PTPRN: variants seen among roughly 807,000 people sequenced by gnomAD.
PTPRN encodes the protein protein tyrosine phosphatase receptor type N.
In PTPRN, 70 loss-of-function variants were observed where a neutral mutation model predicts 108.5. That is an observed-to-expected ratio of 0.65 (90% CI 0.53 to 0.79). PTPRN has a LOEUF of 0.79. PTPRN is among the 30% of genes least tolerant of loss of function. PTPRN has a pLI of 0.00. For missense variants in PTPRN, 1,136 were observed against 1,295.5 expected (o/e 0.88, Z 1.89); for synonymous variants, 496 against 524.6 (o/e 0.95, Z 0.75).
Position 219,289,967 on chromosome 2 carries a change from A to C in PTPRN, c.*259T>G. 6 of 493,510 alleles carry C rather than the reference A, an allele frequency of 1.2e-5. No individual in the cohort carries two copies. The highest frequency in any genetic ancestry group is 1.9e-5 in the Non-Finnish European group (5 of 269,752). The allele number at this position is 493,510 out of a possible 1,614,324, so 30.6% of individuals were successfully genotyped here. A position where few individuals can be genotyped will look rare whatever the true frequency, so the allele number is the denominator to read the frequency against. On this transcript the variant is annotated 3_prime_UTR_variant, in exon 23 of 23. Transcript: ENST00000295718. ...ATGTAGGCAGGAGAAGGCTCTGGGT[A>C]GAATTGCTACCCATGTCCTTTCCTC...
In PTPRN at chr2:219,296,391, C is replaced by T; in HGVS notation, c.2389-46G>A. 6.2e-7 allele frequency: 1 copy of T among 1,614,074 alleles called. No homozygotes were observed. The highest frequency in any genetic ancestry group is 8.5e-7 in the Non-Finnish European group (1 of 1,179,930). On this transcript the variant is annotated intron_variant, in intron 17 of 22. Coordinates refer to ENST00000295718, the MANE Select transcript of PTPRN (RefSeq NM_002846.4). This position sits in a 1 kb window ranked among gnomAD's most constrained non-coding sequence, Gnocchi z 6.0. ...GAGCTCCACTCTAACCTCCCTGGGA[C>T]CTCGTGGCCACAAGGACCCCAGCGA...
At position 219,301,634 on chromosome 2, in the gene PTPRN, G is replaced by A; in HGVS notation, c.1080C>T (p.Leu360=). 1.9e-6 allele frequency: 3 copies of A among 1,613,562 alleles called. No individual in the cohort carries two copies. The highest frequency in any genetic ancestry group is 2.2e-5 in the East Asian group (1 of 44,864). The change falls in exon 7 of 23, where the codon CTC becomes CTT. Residue 360 remains leucine, a synonymous_variant. Transcript: ENST00000295718. ...RQLTPEQLST[L]LTLLQLLPKG... is the part of the protein sequence containing the mutation. ...TGGGCAGTAGCTGCAGCAGGGTCAG[G>A]AGTGTGGAGAGCTGCTCAGGGGTCA...
intron 1 of PTPRN, 91 bp from the exon 2 acceptor site, chr2:219,307,933 C>A: frequency 1.6e-6 from 2 of 1,271,650 alleles, no homozygotes; most frequent in Admixed American, 1.8e-5. Context: ...GAAGCAGATG[C>A]AATTTATTCT....
intron 4 of PTPRN, among the ~76,000 whole-genome samples, chr2:219,303,189 C>T (rs1952400600): frequency 6.6e-6 from 1 of 152,128 alleles, no homozygotes; most frequent in South Asian, 2.1e-4. Context: ...TCCCCGTTGC[C>T]CCTGTGTGCC....
chr2:219,290,979 GA>G lies in PTPRN; in HGVS notation c.2730-90del. 7.6e-7 allele frequency: 1 copy of G among 1,318,458 alleles called. No individual in the cohort carries two copies. Among genetic ancestry groups the G allele is most frequent in the South Asian group, 1.2e-5 (1 of 84,214 alleles). The allele number at this position is 1,318,458 out of a possible 1,614,324, so 81.7% of individuals were successfully genotyped here. Reference sequence around the variant, plus strand: ...GGCGAGGAGGCCTGGAGGCCTGGGGGAGGGGAGGACACTGGGTGACCCGTTG... The same window carrying G: ...GGCGAGGAGGCCTGGAGGCCTGGGGGGGGGAGGACACTGGGTGACCCGTTG... On this transcript the variant is annotated intron_variant, in intron 20 of 22. Transcript: ENST00000295718. The surrounding 1 kb of genome is among the most constrained non-coding windows in gnomAD (Gnocchi z 4.2).
chr2:219,298,581 G>T (rs1392486551), intron 12 of PTPRN, among the ~76,000 whole-genome samples: 1 of 152,146 alleles, frequency 6.6e-6, no homozygotes, highest in African/African-American at 2.4e-5. Context: ...GTGGTGGCAG[G>T]CACCTGTAAT....
Position 219,296,144 on chromosome 2 carries a change from ATT to A in PTPRN, c.2508+80_2508+81del. ...TTTTTAAAAAGACTGTTGAGTGCTC[ATT>A]TGGTGAAGAAAACGTTACGAAAAGG... On this transcript the variant is annotated intron_variant, in intron 18 of 22. Transcript: ENST00000295718. This position sits in a 1 kb window ranked among gnomAD's most constrained non-coding sequence, Gnocchi z 6.0. 6.3e-7 allele frequency: 1 copy of A among 1,588,160 alleles called. No homozygotes were observed. Among genetic ancestry groups the A allele is most frequent in the Non-Finnish European group, 8.6e-7 (1 of 1,159,138 alleles).
At position 219,296,070 on chromosome 2, in the gene PTPRN, TTA is replaced by T; in HGVS notation, c.2508+154_2508+155del. On this transcript the variant is annotated intron_variant, in intron 18 of 22. Coordinates refer to ENST00000295718, the MANE Select transcript of PTPRN (RefSeq NM_002846.4). The surrounding 1 kb of genome is among the most constrained non-coding windows in gnomAD (Gnocchi z 6.0). ...AATATATGGGTATGCATATATGTGTTTATATATATTCATATATGTATGAATCA... is the reference window on the plus strand; with the variant it reads ...AATATATGGGTATGCATATATGTGTTTATATATTCATATATGTATGAATCA... 1 of 1,034,830 alleles carries T rather than the reference TTA, an allele frequency of 9.7e-7. No homozygotes were observed. Among genetic ancestry groups the T allele is most frequent in the Admixed American group, 2.3e-5 (1 of 43,582 alleles). The allele number at this position is 1,034,830 out of a possible 1,614,324, so 64.1% of individuals were successfully genotyped here. A position where few individuals can be genotyped will look rare whatever the true frequency, so the allele number is the denominator to read the frequency against.
intron 4 of PTPRN, 140 bp from the exon 5 acceptor site, chr2:219,302,977 AAGAGAG>A: frequency 9.9e-7 from 1 of 1,014,872 alleles, no homozygotes; most frequent in Non-Finnish European, 1.4e-6. Flanking sequence ...ACCTCAGGGG[AAGAGAG>A]ATGGGCTGGG....
rs144044901 is a variant in PTPRN, at chr2:219,290,881, C to A, written c.2739G>T (p.Ala913=). ...TGAGGATGTAGGTGCCGGTCCTCCC[C>A]GCACCATCACTGAAACAGGAGTTAG... is the stretch of plus-strand genomic sequence containing the variant. ...CPIIVHCSDG[A]GRTGTYILID... is the part of the protein sequence containing the mutation. The change falls in exon 21 of 23, where the codon GCG becomes GCT. Residue 913 remains alanine (A), a synonymous_variant. Transcript: ENST00000295718. The surrounding 1 kb of genome is among the most constrained non-coding windows in gnomAD (Gnocchi z 4.2). The A allele has an allele frequency of 6.2e-7, 1 of 1,613,876 alleles. No homozygotes were observed. The highest frequency in any genetic ancestry group is 1.7e-5 in the Admixed American group (1 of 60,000).
At position 219,299,400 on chromosome 2, in the gene PTPRN, T is replaced by C. The variant is rs1450313206; in HGVS notation, c.1524-16A>G. On this transcript the variant is annotated splice_polypyrimidine_tract_variant and intron_variant, in intron 10 of 22. Transcript: ENST00000295718. ...TCCCACCACACTGCCAGATAGGAGC[T>C]ATGTTACTGCCTTCTCCACCCCAGA... 6.2e-6 allele frequency: 10 copies of C among 1,612,790 alleles called. No individual in the cohort carries two copies. The Admixed American group carries it at 6.7e-5, about 11-fold the overall frequency.
In PTPRN at chr2:219,302,501, A is replaced by T. The variant is rs1214857893; in HGVS notation, c.640-10T>A. 6.2e-7 allele frequency: 1 copy of T among 1,613,726 alleles called. No individual in the cohort carries two copies. Among genetic ancestry groups the T allele is most frequent in the South Asian group, 1.1e-5 (1 of 91,068 alleles). On this transcript the variant is annotated splice_polypyrimidine_tract_variant and intron_variant, in intron 5 of 22. Coordinates refer to ENST00000295718, the MANE Select transcript of PTPRN (RefSeq NM_002846.4). ...CATCACGGGAGCCAAACTGTGGAAA[A>T]CCAGAGATCTGGGTAAGAGCAGAAG...
chr2:219,296,973 G>C lies in PTPRN; in HGVS notation c.2236+12C>G. 1 of 1,613,586 alleles carries C rather than the reference G, an allele frequency of 6.2e-7. No individual in the cohort carries two copies. Among genetic ancestry groups the C allele is most frequent in the Non-Finnish European group, 8.5e-7 (1 of 1,179,822 alleles). On this transcript the variant is annotated intron_variant, in intron 15 of 22. Coordinates refer to ENST00000295718, the MANE Select transcript of PTPRN (RefSeq NM_002846.4). This position sits in a 1 kb window ranked among gnomAD's most constrained non-coding sequence, Gnocchi z 6.0. ...GAGGGCTGGGCCAGGTGGGCCAGCA[G>C]GGTTCACTCACAGGGCAGGAAGTCA...
At chr2:219,306,836 C>T (rs2125098613) in intron 3 of PTPRN, among the ~76,000 whole-genome samples, 1 of 152,346 alleles carries the variant, frequency 6.6e-6, no homozygotes, top group African/African-American at 2.4e-5. Context: ...ATTTCATAGT[C>T]TCAATAATGT....
In PTPRN at chr2:219,296,690, G is replaced by A. The variant is rs369657696; in HGVS notation, c.2310+59C>T. Reference sequence around the variant, plus strand: ...TGGCAGGTGACCACGGGGAAATGGAGTGCATAGGGCCAGGATAATGATGGG... The same window carrying A: ...TGGCAGGTGACCACGGGGAAATGGAATGCATAGGGCCAGGATAATGATGGG... On this transcript the variant is annotated intron_variant, in intron 16 of 22. Coordinates refer to ENST00000295718, the MANE Select transcript of PTPRN (RefSeq NM_002846.4). The surrounding 1 kb of genome is among the most constrained non-coding windows in gnomAD (Gnocchi z 6.0). 12 of 1,597,806 alleles carry A rather than the reference G, an allele frequency of 7.5e-6. No homozygotes were observed. The African/African-American group carries it at 1.5e-4, about 20-fold the overall frequency.
chr2:219,294,332 CAG>C (rs909619678), intron 19 of PTPRN: 30 of 373,920 alleles, frequency 8.0e-5, no homozygotes, highest in Middle Eastern at 8.9e-4. Flanking sequence ...TGGAGAAAAA[CAG>C]GGGAGAGGGC....
Position 219,298,000 on chromosome 2 carries a change from A to G in PTPRN, c.1772T>C (p.Leu591Pro), listed in dbSNP as rs1391667809. The G allele has an allele frequency of 1.2e-6, 2 of 1,613,884 alleles. No individual in the cohort carries two copies. Among genetic ancestry groups the G allele is most frequent in the East Asian group, 2.2e-5 (1 of 44,886 alleles). ...LVALAGVAGLLVALAVALCVR... is the reference protein window; with the variant it reads ...LVALAGVAGLPVALAVALCVR... The stretch of plus-strand genomic sequence containing the variant: ...ACACAGAGCCACAGCCAGAGCCACC[A>G]GCAGCCCAGCCACACCTGCCAGGGC... Residue 591 changes from leucine (L) to proline (P), a missense_variant, in exon 13 of 23, where the codon CTG becomes CCG. By Grantham distance (98) the Leu-to-Pro change is moderately conservative. Transcript: ENST00000295718. The surrounding 1 kb of genome is among the most constrained non-coding windows in gnomAD (Gnocchi z 6.0).
intron 4 of PTPRN, 26 bp from the exon 5 acceptor site, chr2:219,302,863 G>T (rs767441425): frequency 6.3e-7 from 1 of 1,599,716 alleles, no homozygotes; most frequent in South Asian, 1.1e-5. Flanking sequence ...AAGTGTGTGT[G>T]TTGGAGCGGG....
At chr2:219,300,388 G>C (rs567533002) in intron 8 of PTPRN, 129 bp from the exon 9 acceptor site, 6 of 965,994 alleles carry the variant, frequency 6.2e-6, no homozygotes, top group African/African-American at 1.7e-5. Flanking sequence ...CCACTGCAGT[G>C]CTGGGTACAG....
Sources: gnomAD v4.1 joint callset for allele counts (sites outside exome capture counted in the v4.1 genomes callset) on GRCh38, gnomAD v4.1.1 for gene constraint, Gnocchi (gnomAD v3.1) non-coding constraint, MANE v1.5 for transcripts, NCBI Gene and HGNC (gene_info 2026-07-23, HGNC 2026-07-21) for gene names.